Variants in CACNB2 observed in about 807,000 individuals in gnomAD.
The protein encoded by CACNB2 is voltage-dependent L-type calcium channel subunit beta-2.
Under a neutral mutation model 73.3 loss-of-function variants are expected in CACNB2, and 42 were observed. The observed-to-expected ratio is 0.57, with a 90% CI of 0.45 to 0.74. The LOEUF (loss-of-function observed/expected upper bound fraction) is 0.74. Ranked by LOEUF, CACNB2 falls within the 30% of genes least tolerant of loss-of-function variation. The probability of loss-of-function intolerance (pLI) is 0.00; values close to 1 mark genes in which losing one functional copy is unlikely to be tolerated. For missense variants in CACNB2, 940 were observed against 853.0 expected (o/e 1.10, Z -1.27); for synonymous variants, 348 against 310.3 (o/e 1.12, Z -1.28).
chr10:18,443,374 T>C (rs956599213), intron 3 of CACNB2, among the ~76,000 whole-genome samples: 7 of 151,878 alleles, frequency 4.6e-5, no homozygotes, highest in Non-Finnish European at 8.8e-5. Flanking sequence ...AGGGAACCAA[T>C]GAGGCTTCTG....
chr10:18,189,945 T>C (rs2034321475), intron 2 of CACNB2, among the ~76,000 whole-genome samples: 1 of 152,180 alleles, frequency 6.6e-6, no homozygotes, highest in South Asian at 2.1e-4. Flanking sequence ...GAAGATACTG[T>C]GTTTTTAGAC....
At chr10:18,390,177 A>G (rs969971960) in intron 2 of CACNB2, among the ~76,000 whole-genome samples, 30 of 148,856 alleles carry the variant, frequency 2.0e-4, no homozygotes, top group Non-Finnish European at 3.0e-5. Context: ...TCGCTGCTCA[A>G]GAAAAGGCCT....
At chr10:18,497,443 A>T (rs2049905159) in intron 3 of CACNB2, among the ~76,000 whole-genome samples, 1 of 151,976 alleles carries the variant, frequency 6.6e-6, no homozygotes, top group East Asian at 1.9e-4. Context: ...TTTTTGAGAC[A>T]GGGACTGACT....
intron 2 of CACNB2, among the ~76,000 whole-genome samples, chr10:18,276,302 A>G (rs2038284302): frequency 6.6e-6 from 1 of 152,200 alleles, no homozygotes; most frequent in Non-Finnish European, 1.5e-5. Context: ...GCTAACCTAC[A>G]GCCTTCTACT....
intron 3 of CACNB2, among the ~76,000 whole-genome samples, chr10:18,468,368 G>A (rs1224316273): frequency 1.3e-5 from 2 of 152,106 alleles, no homozygotes; most frequent in Non-Finnish European, 2.9e-5. Flanking sequence ...GGCTGAGGCA[G>A]GAGAATCGCT....
intron 3 of CACNB2, among the ~76,000 whole-genome samples, chr10:18,453,981 C>T (rs1199231613): frequency 6.6e-6 from 1 of 152,154 alleles, no homozygotes; most frequent in Non-Finnish European, 1.5e-5. Context: ...TGCCTGGAGG[C>T]CTGCGTTTGT....
chr10:18,527,790 CAG>C, intron 10 of CACNB2, 93 bp downstream of exon 10: 1 of 844,486 alleles, frequency 1.2e-6, no homozygotes, highest in Admixed American at 1.9e-5. Flanking sequence ...CCATGTGTCA[CAG>C]AGTATAGAAA....
intron 2 of CACNB2, among the ~76,000 whole-genome samples, chr10:18,182,391 C>A (rs534678690): frequency 6.6e-6 from 1 of 151,816 alleles, no homozygotes; most frequent in South Asian, 2.1e-4. Flanking sequence ...ACGTAGGTAA[C>A]ATTTTATAGC....
intron 2 of CACNB2, among the ~76,000 whole-genome samples, chr10:18,336,237 A>G (rs556692207): frequency 5.3e-5 from 8 of 152,340 alleles, no homozygotes; most frequent in Admixed American, 1.3e-4. Context: ...AGGTTTAAGT[A>G]TTTATAGTCA....
At chr10:18,354,447 G>A (rs562125739) in intron 2 of CACNB2, among the ~76,000 whole-genome samples, 38 of 152,262 alleles carry the variant, frequency 2.5e-4, no homozygotes, top group African/African-American at 9.1e-4. Context: ...GTCCTGGGGA[G>A]AGAAACATGG....
At chr10:18,308,854 C>G (rs2039849144) in intron 2 of CACNB2, among the ~76,000 whole-genome samples, 1 of 152,176 alleles carries the variant, frequency 6.6e-6, no homozygotes, top group Non-Finnish European at 1.5e-5. Context: ...CCTTTTGTAT[C>G]AAATGTCATC....
chr10:18,444,319 CAA>C (rs1780693650), intron 3 of CACNB2, among the ~76,000 whole-genome samples: 1 of 152,146 alleles, frequency 6.6e-6, no homozygotes, highest in African/African-American at 2.4e-5. Context: ...CAGTCGAGTG[CAA>C]AGAGCCAGAA....
At chr10:18,505,006 A>T (rs182837713) in intron 5 of CACNB2, among the ~76,000 whole-genome samples, 5 of 152,294 alleles carry the variant, frequency 3.3e-5, no homozygotes, top group Admixed American at 1.3e-4. Flanking sequence ...GCAGTCTTTA[A>T]AAACTCTGAT....
At chr10:18,478,731 G>A (rs2048567437) in intron 3 of CACNB2, among the ~76,000 whole-genome samples, 1 of 152,172 alleles carries the variant, frequency 6.6e-6, no homozygotes, top group Non-Finnish European at 1.5e-5. Context: ...CCATTGAGAG[G>A]ATCACTAGGG....
rs2053971452 is a variant in CACNB2, at chr10:18,539,831, G to GTCTT, written c.*108_*111dup. 3.5e-6 allele frequency: 4 copies of GTCTT among 1,139,652 alleles called. No individual in the cohort carries two copies. In the Admixed American group the frequency reaches 6.9e-5, roughly 20 times the overall value. The allele number at this position is 1,139,652 out of a possible 1,614,324, so 70.6% of individuals were successfully genotyped here. On this transcript the variant is annotated 3_prime_UTR_variant, in exon 14 of 14. Coordinates refer to ENST00000324631, the MANE Select transcript of CACNB2 (RefSeq NM_201596.3). Reference sequence around the variant, plus strand: ...TCTACACTGCAATCATATGTGATCTGTCTTGTAATATTTTGTATTATTGCT... The same window carrying GTCTT: ...TCTACACTGCAATCATATGTGATCTGTCTTTCTTGTAATATTTTGTATTATTGCT...
At chr10:18,253,798 G>C (rs750175958) in intron 2 of CACNB2, among the ~76,000 whole-genome samples, 11 of 151,978 alleles carry the variant, frequency 7.2e-5, no homozygotes, top group Non-Finnish European at 5.9e-5. Flanking sequence ...TTCTATCATT[G>C]CCCCCGACTC....
intron 3 of CACNB2, among the ~76,000 whole-genome samples, chr10:18,406,631 T>C (rs2044302749): frequency 6.6e-6 from 1 of 152,226 alleles, no homozygotes; most frequent in Admixed American, 6.5e-5. Context: ...GAAAACAAGC[T>C]CAGGGTTCCT....
intron 3 of CACNB2, among the ~76,000 whole-genome samples, chr10:18,477,002 A>C (rs886422907): frequency 4.6e-5 from 7 of 151,414 alleles, no homozygotes; most frequent in African/African-American, 1.2e-4. Flanking sequence ...TCTGGGTGAC[A>C]GAGTGAGATT....
chr10:18,496,016 T>G (rs1347025321), intron 3 of CACNB2, among the ~76,000 whole-genome samples: 1 of 151,752 alleles, frequency 6.6e-6, no homozygotes, highest in Admixed American at 6.6e-5. Context: ...TGAAACTCCA[T>G]CTCTACTAAA....
Sources: allele counts gnomAD v4.1 joint callset (sites outside exome capture counted in the v4.1 genomes callset), GRCh38; gene constraint gnomAD v4.1.1; transcripts MANE v1.5; gene names NCBI Gene and HGNC (gene_info 2026-07-23, HGNC 2026-07-21).